Variants in ANK1 observed in about 807,000 individuals in gnomAD.
ANK1 encodes ankyrin-1.
A neutral mutation model predicts 210.4 loss-of-function variants in ANK1; 51 were observed. The observed-to-expected ratio is 0.24, with a 90% confidence interval of 0.19 to 0.31. ANK1 has a LOEUF of 0.31. Ranked by LOEUF, ANK1 falls within the 10% of genes least tolerant of loss-of-function variation. The pLI is 1.00. For missense variants in ANK1, 2,051 were observed against 2,504.4 expected, an observed-to-expected ratio of 0.82 and a Z score of 3.86; for synonymous variants, 967 against 1,025.9, an observed-to-expected ratio of 0.94 and a Z score of 1.10.
chr8:41,708,545 G>A (rs893663115), intron 17 of ANK1, among the ~76,000 whole-genome samples: 9 of 152,128 alleles, frequency 5.9e-5, no homozygotes, highest in African/African-American at 1.7e-4. Context: ...TAGAAAGATC[G>A]GCAAAGGCTT....
chr8:41,895,135 C>A (rs904034822), intron 1 of ANK1, among the ~76,000 whole-genome samples: 1 of 152,192 alleles, frequency 6.6e-6, no homozygotes, highest in Admixed American at 6.5e-5. Flanking sequence ...TGCTCCCCAA[C>A]ACTCTGCTGT....
chr8:41,742,621 C>G (rs1047367543), intron 2 of ANK1, among the ~76,000 whole-genome samples: 1 of 152,178 alleles, frequency 6.6e-6, no homozygotes, highest in African/African-American at 2.4e-5. Flanking sequence ...GAAACACAAA[C>G]TTTGCATCAA....
rs1821109955 is a variant in ANK1 at position 41,696,746 on chromosome 8, G to A, written c.2665C>T (p.Leu889Phe). ...QASKEYDEDS[L>F]IPSSPATETS... The stretch of plus-strand genomic sequence containing the variant: ...TCGGTGGCCGGGCTGCTGGGGATGA[G>A]GGAGTCCTCATCATACTCTTTAGAT... Residue 889 changes from leucine (L) to phenylalanine (F), a missense_variant, in exon 25 of 43, where the codon CTC becomes TTC. Leu to Phe is a conservative substitution (Grantham distance 22). This residue lies in a region of ANK1 where 1,413 missense variants were observed against 1,707.4 expected (regional missense o/e 0.83). Transcript: ENST00000289734. The A allele has an allele frequency of 6.2e-7, 1 of 1,600,534 alleles. No homozygotes were observed. The highest frequency in any genetic ancestry group is 1.1e-5 in the South Asian group (1 of 90,954).
At chr8:41,683,109 C>A (rs1375528818) in intron 37 of ANK1, among the ~76,000 whole-genome samples, 1 of 151,756 alleles carries the variant, frequency 6.6e-6, no homozygotes, top group Non-Finnish European at 1.5e-5. Context: ...CACACATGCA[C>A]ACACATACGC....
intron 37 of ANK1, among the ~76,000 whole-genome samples, chr8:41,677,975 G>A (rs1345230975): frequency 6.6e-6 from 1 of 151,956 alleles, no homozygotes; most frequent in Non-Finnish European, 1.5e-5. Context: ...CCCTCTGATT[G>A]CTTTTAAGAT....
chr8:41,797,487 AC>A lies in ANK1; in HGVS notation c.27+24del. On this transcript the variant is annotated intron_variant, in intron 1 of 42. Transcript: ENST00000289734. This position sits in a 1 kb window ranked among gnomAD's most constrained non-coding sequence, Gnocchi z 4.0. ...GCCCCCTCCTGACATCTCCCCGTCC[AC>A]CCGAGCAGCCGCCCAGTACTCACTT... 1 of 1,609,750 alleles carries A rather than the reference AC, an allele frequency of 6.2e-7. No individual in the cohort carries two copies. The highest frequency in any genetic ancestry group is 8.5e-7 in the Non-Finnish European group (1 of 1,176,780).
chr8:41,822,148 AAGAAAGAAAG>A (rs1290155375), intron 1 of ANK1, among the ~76,000 whole-genome samples: 7 of 51,118 alleles, frequency 1.4e-4, no homozygotes, highest in African/African-American at 4.0e-4. Context: ...GAAAGAAAGA[AAGAAAGAAAG>A]AAAGAAAGAA....
chr8:41,740,003 T>A (rs1834360227), intron 2 of ANK1, among the ~76,000 whole-genome samples: 1 of 152,080 alleles, frequency 6.6e-6, no homozygotes, highest in Admixed American at 6.5e-5. Context: ...GCTCTGTACA[T>A]CTGGCCCTCT....
At chr8:41,700,656 C>T (rs1018188283) in intron 22 of ANK1, among the ~76,000 whole-genome samples, 10 of 152,184 alleles carry the variant, frequency 6.6e-5, no homozygotes, top group Non-Finnish European at 8.8e-5. Context: ...AGTTGAGGAT[C>T]CTACTACTCA....
intron 1 of ANK1, among the ~76,000 whole-genome samples, chr8:41,803,078 A>AGGAAGGAAGGAAGGAAGGAAGGAAGGAAG (rs1554630992): frequency 1.3e-5 from 1 of 74,958 alleles, no homozygotes; most frequent in African/African-American, 5.7e-5. Context: ...GAAGGAAGGA[A>AGGAAGGAAGGAAGGAAGGAAGGAAGGAAG]GGAAGGGAAG....
rs559822436 is a variant in ANK1, at chr8:41,662,490, C to G, written c.5479-549G>C. On this transcript the variant is annotated intron_variant, in intron 40 of 42. Coordinates refer to ENST00000289734, the MANE Select transcript of ANK1 (RefSeq NM_000037.4). ...ACCAAGGTGTGACTGGGTGTGACCTCCCCCTCGAGCCCACAGCCTTCTGTT... is the reference window on the plus strand; with the variant it reads ...ACCAAGGTGTGACTGGGTGTGACCTGCCCCTCGAGCCCACAGCCTTCTGTT... Among the ~76,000 whole-genome samples, 5 of 152,360 alleles carry G rather than the reference C, an allele frequency of 3.3e-5. No individual in the cohort carries two copies. In the East Asian group the frequency reaches 9.6e-4, roughly 29 times the overall value.
At chr8:41,791,447 C>CT (rs76900426) in intron 1 of ANK1, among the ~76,000 whole-genome samples, 2,405 of 142,396 alleles carry the variant, frequency 0.017, 60 homozygotes, top group African/African-American at 0.05. Flanking sequence ...CTCTTTCTTT[C>CT]TTTTTTTTTT....
chr8:41,865,622 T>G (rs1814265936), intron 1 of ANK1, among the ~76,000 whole-genome samples: 1 of 151,668 alleles, frequency 6.6e-6, no homozygotes, highest in African/African-American at 2.4e-5. Flanking sequence ...CTCCTCTGAT[T>G]CTCTCCCCTC....
chr8:41,802,912 T>C (rs944475308), intron 1 of ANK1, among the ~76,000 whole-genome samples: 1 of 96,116 alleles, frequency 1.0e-5, no homozygotes, highest in Non-Finnish European at 1.8e-5. Flanking sequence ...AGACCCTATC[T>C]AAAAGAAAGA....
At chr8:41,882,095 G>T (rs530440245) in intron 1 of ANK1, among the ~76,000 whole-genome samples, 5 of 152,264 alleles carry the variant, frequency 3.3e-5, no homozygotes, top group African/African-American at 1.2e-4. Context: ...CTCTGCCACT[G>T]CGCAGTGGTG....
chr8:41,693,081 T>C, intron 30 of ANK1, 24 bp downstream of exon 30: 1 of 1,578,952 alleles, frequency 6.3e-7, no homozygotes, highest in African/African-American at 1.3e-5. Flanking sequence ...CACACAATAC[T>C]GGGCTGGGCT....
At position 41,661,730 on chromosome 8, in the gene ANK1, T is replaced by C. The variant is rs516946; in HGVS notation, c.5544+146A>G. Reference sequence around the variant, plus strand: ...AAGAGGTGAGTGGAGGGAGGTGTCATGCAGACGGCCCGGCAGAGCAAGGCA... The same window carrying C: ...AAGAGGTGAGTGGAGGGAGGTGTCACGCAGACGGCCCGGCAGAGCAAGGCA... On this transcript the variant is annotated intron_variant, in intron 41 of 42. Coordinates refer to ENST00000289734, the MANE Select transcript of ANK1 (RefSeq NM_000037.4). 1,231,361 of 1,602,982 alleles carry C rather than the reference T, an allele frequency of 0.77. 474,019 individuals are homozygous for C. Among genetic ancestry groups the C allele is most frequent in the East Asian group, 0.86 (38,709 of 44,828 alleles).
chr8:41,664,057 A>G, intron 39 of ANK1: 2 of 525,142 alleles, frequency 3.8e-6, no homozygotes, highest in South Asian at 3.1e-5. Context: ...CTGAGAGAGG[A>G]AGTGAGGCAC....
At chr8:41,699,415 C>A (rs971941189) in intron 23 of ANK1, 37 bp downstream of exon 23, 1 of 1,594,498 alleles carries the variant, frequency 6.3e-7, no homozygotes, top group African/African-American at 1.3e-5. Flanking sequence ...GGTTGCATCT[C>A]GGCACCCCCG....
Sources: gnomAD v4.1 joint callset for allele counts (sites outside exome capture counted in the v4.1 genomes callset) on GRCh38, gnomAD v4.1.1 for gene constraint, gnomAD v4.1.1 regional missense constraint, Gnocchi (gnomAD v3.1) non-coding constraint, MANE v1.5 for transcripts, NCBI Gene and HGNC (gene_info 2026-07-23, HGNC 2026-07-21) for gene names.